The following LRRC4C variants were observed in gnomAD, a reference collection of about 807,000 sequenced individuals.
LRRC4C encodes the protein leucine-rich repeat-containing protein 4C.
LRRC4C carries 5 observed loss-of-function variants against 33.6 expected under a neutral mutation model. The ratio of observed to expected loss-of-function variants is 0.15; its 90% CI spans 0.08 to 0.31. The LOEUF is 0.31. LRRC4C is among the 10% of genes least tolerant of loss of function. The probability of loss-of-function intolerance (pLI) is 1.00; values close to 1 mark genes in which losing one functional copy is unlikely to be tolerated. For missense variants in LRRC4C, 560 were observed against 796.7 expected, an observed-to-expected ratio of 0.70 and a Z score of 3.58; for synonymous variants, 329 against 302.0, an observed-to-expected ratio of 1.09 and a Z score of -0.93.
At chr11:40,969,793 T>G (rs1002816182) in intron 1 of LRRC4C, among the ~76,000 whole-genome samples, 2 of 152,236 alleles carry the variant, frequency 1.3e-5, no homozygotes, top group African/African-American at 2.4e-5. Flanking sequence ...CTCCCATTAT[T>G]GCAATATTTG....
intron 1 of LRRC4C, among the ~76,000 whole-genome samples, chr11:41,180,626 A>G (rs761141565): frequency 6.6e-6 from 1 of 152,164 alleles, no homozygotes; most frequent in African/African-American, 2.4e-5. Context: ...TTACTATGCC[A>G]TTTACCAAGT....
intron 1 of LRRC4C, among the ~76,000 whole-genome samples, chr11:40,980,266 A>T (rs1565266190): frequency 6.6e-6 from 1 of 152,218 alleles, no homozygotes; most frequent in Non-Finnish European, 1.5e-5. Flanking sequence ...AGGAAATGCC[A>T]TGACTTGGAC....
rs1296344925 is a variant in LRRC4C at position 40,936,063 on chromosome 11, T to TAA, written c.-495-2341_-495-2340insTT. 4.4e-4 allele frequency among the ~76,000 whole-genome samples: 41 copies of TAA among 92,772 alleles called. 3 individuals carry two copies. Among genetic ancestry groups the TAA allele is most frequent in the South Asian group, 1.0e-3 (3 of 2,942 alleles). The allele number at this position is 92,772 out of a possible 152,430, so 60.9% of individuals were successfully genotyped here. ...ATATATATATATATATATATATATA[T>TAA]ATAACATAGTTTGAACCTTAACTCT... On this transcript the variant is annotated intron_variant, in intron 1 of 6. Transcript: ENST00000528697.
At chr11:40,225,543 A>T (rs977714232) in intron 5 of LRRC4C, among the ~76,000 whole-genome samples, 11 of 151,924 alleles carry the variant, frequency 7.2e-5, no homozygotes, top group African/African-American at 2.7e-4. Flanking sequence ...TTGTATAAAC[A>T]CTTCCTTCCT....
At chr11:40,816,878 G>A (rs1317112148) in intron 2 of LRRC4C, among the ~76,000 whole-genome samples, 1 of 152,084 alleles carries the variant, frequency 6.6e-6, no homozygotes, top group Admixed American at 6.6e-5. Flanking sequence ...GACTCTGAAG[G>A]TCTTTAAAAG....
chr11:40,702,789 C>A (rs2136501049), intron 2 of LRRC4C, among the ~76,000 whole-genome samples: 1 of 152,182 alleles, frequency 6.6e-6, no homozygotes, highest in South Asian at 2.1e-4. Context: ...TAACTGCCTA[C>A]TGAGCATTTC....
At chr11:40,694,331 G>A (rs1407944373) in intron 2 of LRRC4C, among the ~76,000 whole-genome samples, 1 of 152,018 alleles carries the variant, frequency 6.6e-6, no homozygotes, top group Non-Finnish European at 1.5e-5. Flanking sequence ...AATAGAAATC[G>A]AGGCTGCTTT....
At chr11:40,739,506 T>C (rs1948056313) in intron 2 of LRRC4C, among the ~76,000 whole-genome samples, 1 of 152,056 alleles carries the variant, frequency 6.6e-6, no homozygotes, top group Admixed American at 6.6e-5. Context: ...AGACAATCAA[T>C]ATATACAATT....
intron 1 of LRRC4C, among the ~76,000 whole-genome samples, chr11:41,260,079 A>AT (rs995319668): frequency 1.1e-4 from 16 of 151,928 alleles, no homozygotes; most frequent in African/African-American, 3.9e-4. Context: ...ATTTTTTGTC[A>AT]TTTTTTAAAT....
intron 1 of LRRC4C, among the ~76,000 whole-genome samples, chr11:41,452,156 G>A (rs954990291): frequency 1.3e-5 from 2 of 151,852 alleles, no homozygotes; most frequent in African/African-American, 2.4e-5. Context: ...AGGTATATAT[G>A]GTCACAGGTT....
At chr11:40,596,591 AC>A (rs913355134) in intron 3 of LRRC4C, among the ~76,000 whole-genome samples, 3 of 151,658 alleles carry the variant, frequency 2.0e-5, no homozygotes, top group African/African-American at 7.3e-5. Flanking sequence ...AACCATCCCC[AC>A]TTTATCCACC....
At chr11:40,412,974 A>G (rs1301982451) in intron 3 of LRRC4C, among the ~76,000 whole-genome samples, 2 of 152,094 alleles carry the variant, frequency 1.3e-5, no homozygotes, top group Non-Finnish European at 2.9e-5. Flanking sequence ...GTATTCAAGG[A>G]TCTTGATATC....
At chr11:40,218,642 T>C (rs1377113) in intron 5 of LRRC4C, among the ~76,000 whole-genome samples, 18,307 of 111,230 alleles carry the variant, frequency 0.16, 2,202 homozygotes, top group South Asian at 0.25. Flanking sequence ...ATGTATCTAT[T>C]TATCTATCTA....
intron 1 of LRRC4C, among the ~76,000 whole-genome samples, chr11:41,435,417 C>T (rs1422410485): frequency 6.6e-6 from 1 of 152,178 alleles, no homozygotes; most frequent in East Asian, 1.9e-4. Context: ...TAGAAGGTCT[C>T]ATAATCTATT....
intron 3 of LRRC4C, among the ~76,000 whole-genome samples, chr11:40,441,123 T>C (rs1951375636): frequency 6.6e-6 from 1 of 152,156 alleles, no homozygotes. Flanking sequence ...GATGTCAGTG[T>C]AGTCTTCGGG....
At chr11:40,712,534 A>G (rs1433900877) in intron 2 of LRRC4C, among the ~76,000 whole-genome samples, 2 of 152,170 alleles carry the variant, frequency 1.3e-5, no homozygotes, top group Non-Finnish European at 2.9e-5. Flanking sequence ...ATAAAAAGCT[A>G]TTTCTAGAAA....
chr11:40,239,381 A>G (rs1368776663), intron 5 of LRRC4C, among the ~76,000 whole-genome samples: 1 of 152,130 alleles, frequency 6.6e-6, no homozygotes, highest in African/African-American at 2.4e-5. Context: ...GTAACCTACT[A>G]ACCAGTGTAT....
chr11:40,833,817 ATGTG>A (rs1173112244), intron 2 of LRRC4C, among the ~76,000 whole-genome samples: 2 of 152,136 alleles, frequency 1.3e-5, no homozygotes, highest in Non-Finnish European at 2.9e-5. Flanking sequence ...TTGTGCATAA[ATGTG>A]TGTGTGACTA....
chr11:40,922,177 T>C (rs1957211792), intron 2 of LRRC4C, among the ~76,000 whole-genome samples: 1 of 152,172 alleles, frequency 6.6e-6, no homozygotes. Context: ...TCTTTTTGTC[T>C]CTTTCCCCTT....
Sources: allele counts gnomAD v4.1 joint callset (sites outside exome capture counted in the v4.1 genomes callset), GRCh38; gene constraint gnomAD v4.1.1; transcripts MANE v1.5; gene names NCBI Gene and HGNC (gene_info 2026-07-23, HGNC 2026-07-21).